The following FKBP15 variants were observed in gnomAD, a reference collection of about 807,000 sequenced individuals.
The protein encoded by FKBP15 is FK506-binding protein 15.
Under a neutral mutation model 158.1 loss-of-function variants are expected in FKBP15, and 106 were observed. The observed-to-expected ratio is 0.67, with a 90% CI of 0.57 to 0.79. FKBP15 has a LOEUF of 0.79. Among genes scored for constraint, FKBP15 ranks in the 30% least tolerant of loss-of-function variants. The pLI, the probability that FKBP15 is intolerant of heterozygous loss-of-function variation, is 0.00. For missense variants in FKBP15, 1,287 were observed against 1,479.1 expected (o/e 0.87, Z 2.13); for synonymous variants, 547 against 548.6 (o/e 1.00, Z 0.04).
chr9:113,206,712 A>ATTTTTTTTTTTTTTTTTTTTTTTTTTT (rs35902681), intron 3 of FKBP15, 134 bp from the exon 4 acceptor site: 3 of 258,370 alleles, frequency 1.2e-5, no homozygotes, highest in Non-Finnish European at 1.4e-5. Context: ...GCGGTTTAAA[A>ATTTTTTTTTTTTTTTTTTTTTTTTTTT]TTTTTTTTTT....
intron 20 of FKBP15, among the ~76,000 whole-genome samples, chr9:113,177,773 C>T (rs1247934220): frequency 1.3e-5 from 2 of 152,182 alleles, no homozygotes; most frequent in Admixed American, 6.5e-5. Flanking sequence ...ACCCCCTGCC[C>T]ACTAGTCCCA....
chr9:113,175,883 G>A (rs1041814194), intron 21 of FKBP15, among the ~76,000 whole-genome samples: 1 of 152,196 alleles, frequency 6.6e-6, no homozygotes, highest in African/African-American at 2.4e-5. Flanking sequence ...GGGGAAGAAT[G>A]TGACAAATGG....
At chr9:113,173,124 C>T (rs534312140) in intron 23 of FKBP15, among the ~76,000 whole-genome samples, 1 of 152,318 alleles carries the variant, frequency 6.6e-6, no homozygotes, top group South Asian at 2.1e-4. Context: ...CTGTGAGATA[C>T]ATGAGGGAAG....
chr9:113,190,804 T>C (rs1830561474), intron 11 of FKBP15, among the ~76,000 whole-genome samples: 1 of 152,164 alleles, frequency 6.6e-6, no homozygotes. Context: ...ATGGACAAAG[T>C]GGTTTCACAT....
chr9:113,178,506 A>C (rs1460563415), intron 20 of FKBP15, 124 bp downstream of exon 20: 1 of 930,216 alleles, frequency 1.1e-6, no homozygotes, highest in Admixed American at 2.9e-5. Context: ...AGTCTCCTTT[A>C]ATTTTTGGTG....
chr9:113,218,377 TTATATATATATATATATATATATATA>T (rs10539484), intron 1 of FKBP15, among the ~76,000 whole-genome samples: 1 of 101,504 alleles, frequency 9.9e-6, no homozygotes. Context: ...GTAAATACAA[TTATATATATATATATATATATATATA>T]TATATATATA....
chr9:113,161,744 C>T lies in FKBP15; in HGVS notation c.*4334G>A. 1 of 1,593,990 alleles carries T rather than the reference C, an allele frequency of 6.3e-7. No homozygotes were observed. The highest frequency in any genetic ancestry group is 8.6e-7 in the Non-Finnish European group (1 of 1,163,732). Reference sequence around the variant, plus strand: ...AAAGGGGCAGAAGCCTCACATTCACCCTGAGAGACAGGCTGGCCCAGACAG... The same window carrying T: ...AAAGGGGCAGAAGCCTCACATTCACTCTGAGAGACAGGCTGGCCCAGACAG... On this transcript the variant is annotated 3_prime_UTR_variant, in exon 28 of 28. Transcript: ENST00000238256.
At chr9:113,166,837 T>C (rs1218066918) in intron 27 of FKBP15, among the ~76,000 whole-genome samples, 1 of 152,166 alleles carries the variant, frequency 6.6e-6, no homozygotes, top group Non-Finnish European at 1.5e-5. Flanking sequence ...CTCCTGGCCT[T>C]TCTCCTCTGG....
intron 2 of FKBP15, among the ~76,000 whole-genome samples, chr9:113,208,714 A>G (rs1252155130): frequency 3.3e-5 from 5 of 152,100 alleles, no homozygotes; most frequent in Admixed American, 1.3e-4. Context: ...ATCCTGTCCA[A>G]CTGTTCCTCA....
rs761763157 is a variant in FKBP15 at position 113,190,587 on chromosome 9, A to G, written c.1066-9T>C. 1 of 1,598,456 alleles carries G rather than the reference A, an allele frequency of 6.3e-7. No homozygotes were observed. Among genetic ancestry groups the G allele is most frequent in the South Asian group, 1.1e-5 (1 of 88,586 alleles). ...TTGACTGCATCGGGACTCTAAAAAG[A>G]GAGGAAAGTCACAAAAATCACTGTG... On this transcript the variant is annotated splice_polypyrimidine_tract_variant and intron_variant, in intron 11 of 27. Transcript: ENST00000238256.
chr9:113,166,257 T>A, intron 27 of FKBP15, 102 bp from the exon 28 acceptor site: 2 of 1,101,204 alleles, frequency 1.8e-6, no homozygotes, highest in Admixed American at 4.1e-5. Flanking sequence ...CAGCTCTGGG[T>A]CAGAAAGGAG....
intron 27 of FKBP15, 78 bp downstream of exon 27, chr9:113,168,382 A>G (rs1486553214): frequency 3.1e-6 from 4 of 1,269,850 alleles, no homozygotes; most frequent in Non-Finnish European, 4.6e-6. Context: ...AACAGGCTCC[A>G]TTTCTCTTCT....
rs930857680 is a variant in FKBP15 at position 113,163,094 on chromosome 9, C to A, written c.*2984G>T. 12 of 557,552 alleles carry A rather than the reference C, an allele frequency of 2.2e-5. No homozygotes were observed. Among genetic ancestry groups the A allele is most frequent in the Middle Eastern group, 4.8e-4 (1 of 2,074 alleles). 34.5% of individuals were successfully genotyped at this position (557,552 alleles called of 1,614,324 possible). On this transcript the variant is annotated 3_prime_UTR_variant, in exon 28 of 28. Coordinates refer to ENST00000238256, the MANE Select transcript of FKBP15 (RefSeq NM_015258.2). ...TGGAGTTCGGAAGCCATTGCAGCAA[C>A]CTTCCTTCTCAGCCAGCCTACGTAG...
intron 2 of FKBP15, among the ~76,000 whole-genome samples, chr9:113,209,603 T>C (rs1830960808): frequency 6.6e-6 from 1 of 152,214 alleles, no homozygotes; most frequent in Non-Finnish European, 1.5e-5. Context: ...TTGTCCTTGG[T>C]TCCTGACACA....
At position 113,184,851 on chromosome 9, in the gene FKBP15, GA is replaced by G. The variant is rs1564163204; in HGVS notation, c.1499-48del. On this transcript the variant is annotated intron_variant, in intron 15 of 27. Transcript: ENST00000238256. The surrounding 1 kb of genome is among the most constrained non-coding windows in gnomAD (Gnocchi z 4.5). The stretch of plus-strand genomic sequence containing the variant: ...AGAAACTTATGAAACTGGAGCAGAG[GA>G]AACTGTATGAAGAAAAGCTAGTAGC... 1 of 1,413,362 alleles carries G rather than the reference GA, an allele frequency of 7.1e-7. No homozygotes were observed. The highest frequency in any genetic ancestry group is 1.4e-5 in the African/African-American group (1 of 70,242). 87.6% of individuals were successfully genotyped at this position (1,413,362 alleles called of 1,614,324 possible). A position where few individuals can be genotyped will look rare whatever the true frequency, so the allele number is the denominator to read the frequency against.
chr9:113,182,354 T>A (rs1830414230), intron 19 of FKBP15, among the ~76,000 whole-genome samples: 1 of 152,134 alleles, frequency 6.6e-6, no homozygotes, highest in South Asian at 2.1e-4. Context: ...ATTCCTGGTT[T>A]TGAAAGGATT....
chr9:113,188,587 T>C (rs751748478), intron 12 of FKBP15, 96 bp from the exon 13 acceptor site: 2 of 972,414 alleles, frequency 2.1e-6, no homozygotes, highest in Non-Finnish European at 3.1e-6. Flanking sequence ...CAACACAGGA[T>C]TTCTAGGCAA....
chr9:113,199,102 T>C (rs547219804), intron 7 of FKBP15, among the ~76,000 whole-genome samples, 179 bp from the exon 8 acceptor site: 24 of 152,322 alleles, frequency 1.6e-4, no homozygotes, highest in Middle Eastern at 3.4e-3. Context: ...AAGGGTATTA[T>C]AATGAATATC....
chr9:113,221,164 T>C (rs1831247335), intron 1 of FKBP15, 27 bp downstream of exon 1: 1 of 1,595,346 alleles, frequency 6.3e-7, no homozygotes, highest in Non-Finnish European at 8.6e-7. Flanking sequence ...AGCCACGCCC[T>C]CCAGCGCATA....
Sources: gnomAD v4.1 joint callset for allele counts (sites outside exome capture counted in the v4.1 genomes callset) on GRCh38, gnomAD v4.1.1 for gene constraint, Gnocchi (gnomAD v3.1) non-coding constraint, MANE v1.5 for transcripts, NCBI Gene and HGNC (gene_info 2026-07-23, HGNC 2026-07-21) for gene names.